GPC6: variants seen among roughly 807,000 people sequenced by gnomAD.
The protein encoded by GPC6 is glypican-6.
Under a neutral mutation model 55.2 loss-of-function variants are expected in GPC6, and 14 were observed. The ratio of observed to expected loss-of-function variants is 0.25; its 90% CI spans 0.17 to 0.40. The LOEUF (loss-of-function observed/expected upper bound fraction) is 0.40. GPC6 is among the 10% of genes least tolerant of loss of function. The pLI, the probability that GPC6 is intolerant of heterozygous loss-of-function variation, is 1.00. For synonymous variants in GPC6, 278 were observed against 259.6 expected (o/e 1.07, Z -0.68); for missense variants, 641 against 708.5 (o/e 0.90, Z 1.08).
chr13:93,896,468 A>G (rs1418874044), intron 3 of GPC6, among the ~76,000 whole-genome samples: 2 of 152,090 alleles, frequency 1.3e-5, no homozygotes, highest in Admixed American at 6.6e-5. Context: ...GATGACTCGT[A>G]TAAACTTCAG....
chr13:93,732,775 G>A (rs530427104), intron 2 of GPC6, among the ~76,000 whole-genome samples: 5 of 152,064 alleles, frequency 3.3e-5, no homozygotes, highest in African/African-American at 1.2e-4. Flanking sequence ...CAAGTCATGT[G>A]TGTGATTTTA....
chr13:94,363,616 C>A (rs1239489801), intron 6 of GPC6, among the ~76,000 whole-genome samples: 1 of 152,220 alleles, frequency 6.6e-6, no homozygotes, highest in Non-Finnish European at 1.5e-5. Context: ...CCATGCTCAA[C>A]CCCTCTCAGT....
At chr13:93,557,069 A>T (rs924210031) in intron 2 of GPC6, among the ~76,000 whole-genome samples, 1 of 152,216 alleles carries the variant, frequency 6.6e-6, no homozygotes, top group Non-Finnish European at 1.5e-5. Flanking sequence ...GGAATCTGGG[A>T]TAAGGATGTA....
intron 1 of GPC6, among the ~76,000 whole-genome samples, chr13:93,476,217 T>C (rs895105439): frequency 4.6e-5 from 7 of 152,146 alleles, no homozygotes; most frequent in African/African-American, 1.7e-4. Context: ...CCTCTGAACA[T>C]TTTTATTCAG....
chr13:94,054,491 G>A (rs1295487147), intron 4 of GPC6, among the ~76,000 whole-genome samples: 1 of 152,206 alleles, frequency 6.6e-6, no homozygotes, highest in Non-Finnish European at 1.5e-5. Context: ...AAGTGCTGCT[G>A]ATGCTGCTGA....
intron 6 of GPC6, among the ~76,000 whole-genome samples, chr13:94,374,259 C>T (rs1037112426): frequency 6.6e-6 from 1 of 151,390 alleles, no homozygotes; most frequent in Admixed American, 6.6e-5. Flanking sequence ...AATTAAAAGA[C>T]ACAGACTGGC....
chr13:93,343,546 C>A (rs1566308915), intron 1 of GPC6, among the ~76,000 whole-genome samples: 1 of 152,172 alleles, frequency 6.6e-6, no homozygotes, highest in African/African-American at 2.4e-5. Flanking sequence ...CAAAAGCCAA[C>A]ACATTCCTTT....
intron 6 of GPC6, among the ~76,000 whole-genome samples, chr13:94,327,197 T>C (rs976405560): frequency 1.2e-4 from 18 of 152,228 alleles, no homozygotes; most frequent in African/African-American, 3.6e-4. Flanking sequence ...GGAGCCTGGC[T>C]GTTCACGTAG....
intron 3 of GPC6, among the ~76,000 whole-genome samples, chr13:93,859,350 T>C (rs1888733578): frequency 6.6e-6 from 1 of 151,712 alleles, no homozygotes; most frequent in African/African-American, 2.4e-5. Context: ...TTCAGTGTTA[T>C]ATTGGTTAAT....
chr13:93,605,421 T>C (rs780636477), intron 2 of GPC6, among the ~76,000 whole-genome samples: 6 of 152,222 alleles, frequency 3.9e-5, no homozygotes, highest in Admixed American at 6.5e-5. Context: ...CCTCCTTTGA[T>C]AGACTTTCTT....
At chr13:94,009,024 A>G (rs576490417) in intron 3 of GPC6, among the ~76,000 whole-genome samples, 3 of 152,328 alleles carry the variant, frequency 2.0e-5, no homozygotes, top group African/African-American at 7.2e-5. Context: ...TCCAAGTGCT[A>G]AGATATTCCT....
At chr13:93,442,838 G>GT (rs36109099) in intron 1 of GPC6, among the ~76,000 whole-genome samples, 1 of 151,934 alleles carries the variant, frequency 6.6e-6, no homozygotes, top group Non-Finnish European at 1.5e-5. Context: ...GACATTCTCA[G>GT]TTTTTTATCC....
At chr13:93,624,761 G>A (rs1242445454) in intron 2 of GPC6, among the ~76,000 whole-genome samples, 1 of 152,302 alleles carries the variant, frequency 6.6e-6, no homozygotes, top group Non-Finnish European at 1.5e-5. Context: ...CAACATATCA[G>A]TATCCATTAT....
chr13:93,618,207 A>G (rs1878805713), intron 2 of GPC6, among the ~76,000 whole-genome samples: 1 of 152,118 alleles, frequency 6.6e-6, no homozygotes, highest in Non-Finnish European at 1.5e-5. Flanking sequence ...TATTTTATAT[A>G]TAAGTACACA....
At chr13:94,233,054 A>T (rs1283493325) in intron 4 of GPC6, among the ~76,000 whole-genome samples, 2 of 140,386 alleles carry the variant, frequency 1.4e-5, no homozygotes, top group Admixed American at 7.6e-5. Flanking sequence ...ACGGGAGGTC[A>T]GACTGGCTTA....
At chr13:93,449,059 T>C (rs1201346080) in intron 1 of GPC6, among the ~76,000 whole-genome samples, 1 of 152,250 alleles carries the variant, frequency 6.6e-6, no homozygotes, top group African/African-American at 2.4e-5. Flanking sequence ...CATTGAATTC[T>C]TGAGCCAAAT....
At chr13:94,095,432 G>A (rs1054489661) in intron 4 of GPC6, among the ~76,000 whole-genome samples, 1 of 152,128 alleles carries the variant, frequency 6.6e-6, no homozygotes, top group African/African-American at 2.4e-5. Flanking sequence ...TAAATTAATT[G>A]TAATAATATG....
intron 3 of GPC6, among the ~76,000 whole-genome samples, chr13:93,898,940 A>AT (rs1876179426): frequency 7.3e-6 from 1 of 136,664 alleles, no homozygotes; most frequent in Non-Finnish European, 1.6e-5. Context: ...ATTATATATA[A>AT]ATATATATAT....
At chr13:93,219,549 C>T in the GPC6 span, among the ~76,000 whole-genome samples, 56 of 152,134 alleles carry the variant, frequency 3.7e-4, 1 homozygote, top group Middle Eastern at 3.4e-3. Flanking sequence ...TTCCATATAC[C>T]ACTAGATTAA....
Sources: allele counts gnomAD v4.1 joint callset (sites outside exome capture counted in the v4.1 genomes callset), GRCh38; gene constraint gnomAD v4.1.1; transcripts MANE v1.5; gene names NCBI Gene and HGNC (gene_info 2026-07-23, HGNC 2026-07-21).